The following CCDC171 variants were observed in gnomAD, a reference collection of about 807,000 sequenced individuals.
CCDC171 encodes coiled-coil domain-containing protein 171.
A neutral mutation model predicts 168.2 loss-of-function variants in CCDC171; 177 were observed. That is an observed-to-expected ratio of 1.05 (90% confidence interval 0.93 to 1.19). CCDC171 has a LOEUF of 1.19. CCDC171 is among the 50% of genes most tolerant of loss of function. The pLI is 0.00. For synonymous variants in CCDC171, 687 were observed against 540.8 expected (o/e 1.27, Z -3.75); for missense variants, 1,991 against 1,539.0 (o/e 1.29, Z -4.91).
At chr9:15,601,377 G>A (rs1206728101) in intron 6 of CCDC171, among the ~76,000 whole-genome samples, 1 of 152,156 alleles carries the variant, frequency 6.6e-6, no homozygotes, top group African/African-American at 2.4e-5. Flanking sequence ...TGAAACCACA[G>A]CTTTTCCAAA....
intron 7 of CCDC171, among the ~76,000 whole-genome samples, chr9:15,643,458 G>C (rs1253369802): frequency 6.6e-6 from 1 of 152,162 alleles, no homozygotes; most frequent in Non-Finnish European, 1.5e-5. Flanking sequence ...AGGCTTCAAA[G>C]TCAGCATTTA....
At chr9:15,683,650 G>C (rs1392563908) in intron 10 of CCDC171, among the ~76,000 whole-genome samples, 6 of 151,944 alleles carry the variant, frequency 3.9e-5, no homozygotes, top group African/African-American at 1.4e-4. Context: ...TTAGGAGGCT[G>C]ACTTCCTAAA....
intron 21 of CCDC171, among the ~76,000 whole-genome samples, chr9:15,827,944 C>T (rs182125776): frequency 6.6e-6 from 1 of 152,244 alleles, no homozygotes; most frequent in Admixed American, 6.5e-5. Context: ...TTCTTAGAAT[C>T]CATTTTTAAA....
intron 21 of CCDC171, among the ~76,000 whole-genome samples, chr9:15,837,469 T>C (rs2060500821): frequency 6.6e-6 from 1 of 152,222 alleles, no homozygotes; most frequent in Non-Finnish European, 1.5e-5. Flanking sequence ...GAAAATTCCA[T>C]TTGAAGAAAA....
chr9:15,629,182 A>G, intron 7 of CCDC171, among the ~76,000 whole-genome samples: 1 of 152,178 alleles, frequency 6.6e-6, no homozygotes, highest in Non-Finnish European at 1.5e-5. Flanking sequence ...CTGGATGGAG[A>G]ATGACTTTGA....
intron 24 of CCDC171, among the ~76,000 whole-genome samples, chr9:15,913,759 T>A (rs550543969): frequency 1.3e-5 from 2 of 152,362 alleles, no homozygotes; most frequent in South Asian, 4.1e-4. Flanking sequence ...TGAGCTGGTT[T>A]TTCCTCATCT....
the CCDC171 span, among the ~76,000 whole-genome samples, chr9:16,072,014 A>C: frequency 2.6e-5 from 4 of 152,332 alleles, no homozygotes; most frequent in South Asian, 6.2e-4. Flanking sequence ...CCATAGGAGC[A>C]TCTTGCTGGA....
At chr9:15,888,954 T>TC (rs1347813009) in intron 24 of CCDC171, 2 of 90,704 alleles carry the variant, frequency 2.2e-5, no homozygotes, top group African/African-American at 8.9e-5. Flanking sequence ...CTTTTCTTTT[T>TC]TTTTTTTTTT....
intron 20 of CCDC171, 63 bp from the exon 21 acceptor site, chr9:15,784,446 G>T: frequency 9.4e-7 from 1 of 1,061,024 alleles, no homozygotes; most frequent in East Asian, 2.5e-5. Context: ...AGTTTTGAAG[G>T]TGAAATGATA....
At chr9:16,077,316 C>T in the CCDC171 span, among the ~76,000 whole-genome samples, 2 of 152,264 alleles carry the variant, frequency 1.3e-5, no homozygotes, top group South Asian at 4.2e-4. Context: ...GAATGGGGCC[C>T]TCGCCTTACC....
At chr9:15,684,145 G>A (rs571692289) in intron 10 of CCDC171, among the ~76,000 whole-genome samples, 88 of 152,188 alleles carry the variant, frequency 5.8e-4, no homozygotes, top group African/African-American at 2.0e-3. Context: ...AAGGTGAGCT[G>A]TGAGGGTAAA....
chr9:15,961,679 C>G (rs2132646126), intron 25 of CCDC171, among the ~76,000 whole-genome samples: 1 of 152,042 alleles, frequency 6.6e-6, no homozygotes, highest in East Asian at 1.9e-4. Flanking sequence ...TTCATTTTGA[C>G]CACACATTTT....
At chr9:15,663,147 C>T (rs941600469) in intron 8 of CCDC171, among the ~76,000 whole-genome samples, 3 of 152,114 alleles carry the variant, frequency 2.0e-5, no homozygotes, top group Non-Finnish European at 4.4e-5. Flanking sequence ...CGCCCAAAGT[C>T]GCATTAGTTA....
intron 24 of CCDC171, among the ~76,000 whole-genome samples, chr9:15,906,912 T>C (rs1456994967): frequency 1.3e-5 from 2 of 151,924 alleles, no homozygotes; most frequent in East Asian, 3.8e-4. Flanking sequence ...ATGAGTGAAC[T>C]CCCATTCACA....
At chr9:15,699,199 G>T (rs1179670483) in intron 11 of CCDC171, among the ~76,000 whole-genome samples, 1 of 152,086 alleles carries the variant, frequency 6.6e-6, no homozygotes, top group African/African-American at 2.4e-5. Context: ...CAGGAGTGAA[G>T]CTGCGGACCC....
intron 3 of CCDC171, among the ~76,000 whole-genome samples, chr9:16,019,809 T>A (rs1355205458): frequency 6.6e-6 from 1 of 152,176 alleles, no homozygotes; most frequent in Non-Finnish European, 1.5e-5. Context: ...ATTCTCTTGG[T>A]TCTGAGCATG....
intron 11 of CCDC171, among the ~76,000 whole-genome samples, chr9:15,708,774 G>A (rs2052438038): frequency 6.6e-6 from 1 of 152,122 alleles, no homozygotes; most frequent in Non-Finnish European, 1.5e-5. Flanking sequence ...ATTGGGAGAT[G>A]ATACCACCTA....
intron 8 of CCDC171, among the ~76,000 whole-genome samples, chr9:15,664,176 G>T (rs1288442789): frequency 6.6e-6 from 1 of 152,124 alleles, no homozygotes; most frequent in African/African-American, 2.4e-5. Context: ...AAACTATTGG[G>T]TGTTGGTTAC....
At chr9:15,991,883 A>G (rs1433300124) in intron 3 of CCDC171, among the ~76,000 whole-genome samples, 1 of 152,230 alleles carries the variant, frequency 6.6e-6, no homozygotes, top group Non-Finnish European at 1.5e-5. Context: ...AATCAGGGAG[A>G]AGTTGAATCC....
Sources: gnomAD v4.1 joint callset for allele counts (sites outside exome capture counted in the v4.1 genomes callset) on GRCh38, gnomAD v4.1.1 for gene constraint, MANE v1.5 for transcripts, NCBI Gene and HGNC (gene_info 2026-07-23, HGNC 2026-07-21) for gene names.